The following WDR7 variants were observed in gnomAD, a reference collection of about 807,000 sequenced individuals.
WDR7 encodes WD repeat domain 7.
In WDR7, 46 loss-of-function variants were observed where a neutral mutation model predicts 169.4. The observed-to-expected ratio is 0.27, with a 90% CI of 0.21 to 0.35. The LOEUF is 0.35. WDR7 is among the 10% of genes least tolerant of loss of function. The pLI is 1.00. For missense variants in WDR7, 1,534 were observed against 1,859.3 expected, an observed-to-expected ratio of 0.83 and a Z score of 3.22; for synonymous variants, 612 against 666.8, an observed-to-expected ratio of 0.92 and a Z score of 1.27.
chr18:56,750,649 A>G (rs980759749), intron 14 of WDR7, among the ~76,000 whole-genome samples: 1 of 152,216 alleles, frequency 6.6e-6, no homozygotes, highest in African/African-American at 2.4e-5. Context: ...TCTGGATCCG[A>G]TAGTCCGTAT....
At chr18:56,725,138 G>A (rs1266186159) in intron 13 of WDR7, among the ~76,000 whole-genome samples, 13 of 150,634 alleles carry the variant, frequency 8.6e-5, no homozygotes, top group Non-Finnish European at 1.6e-4. Flanking sequence ...CTTTATAGCC[G>A]CATGATTTAT....
At chr18:56,839,138 A>C (rs867136257) in intron 20 of WDR7, among the ~76,000 whole-genome samples, 1 of 152,126 alleles carries the variant, frequency 6.6e-6, no homozygotes, top group Non-Finnish European at 1.5e-5. Context: ...ATATATTTTT[A>C]TTGATATATA....
chr18:56,980,217 T>C (rs1383794725), intron 26 of WDR7, among the ~76,000 whole-genome samples: 1 of 152,218 alleles, frequency 6.6e-6, no homozygotes, highest in Non-Finnish European at 1.5e-5. Context: ...TTGGGAATTC[T>C]GAGCTATCCT....
At chr18:56,784,959 C>G (rs1458941587) in intron 19 of WDR7, among the ~76,000 whole-genome samples, 1 of 151,264 alleles carries the variant, frequency 6.6e-6, no homozygotes, top group Non-Finnish European at 1.5e-5. Context: ...CTACATGTAA[C>G]TGAAACATGC....
At chr18:56,865,949 CTTA>C (rs1411633203) in intron 20 of WDR7, among the ~76,000 whole-genome samples, 3 of 151,910 alleles carry the variant, frequency 2.0e-5, no homozygotes, top group Non-Finnish European at 4.4e-5. Context: ...ATTTTGCTTG[CTTA>C]TTATTTTTTA....
intron 26 of WDR7, among the ~76,000 whole-genome samples, chr18:56,970,416 C>G (rs1400782684): frequency 2.0e-5 from 3 of 151,890 alleles, no homozygotes; most frequent in African/African-American, 7.3e-5. Flanking sequence ...ATATTCTGTT[C>G]TTCAATATTT....
intron 19 of WDR7, among the ~76,000 whole-genome samples, chr18:56,798,446 G>A (rs759394205): frequency 7.9e-5 from 12 of 152,128 alleles, no homozygotes; most frequent in Non-Finnish European, 1.3e-4. Context: ...GTCACCACTA[G>A]GACAGAGGCC....
At chr18:56,753,560 A>G (rs1193740149) in intron 14 of WDR7, among the ~76,000 whole-genome samples, 3 of 152,122 alleles carry the variant, frequency 2.0e-5, no homozygotes, top group Admixed American at 2.0e-4. Flanking sequence ...ACTGTGGACT[A>G]ACTTCCTTGG....
At chr18:56,690,257 C>T (rs776020623) in intron 7 of WDR7, among the ~76,000 whole-genome samples, 7 of 152,062 alleles carry the variant, frequency 4.6e-5, no homozygotes, top group Non-Finnish European at 7.4e-5. Flanking sequence ...GTAACATCTG[C>T]GGTGATTCTC....
intron 19 of WDR7, among the ~76,000 whole-genome samples, chr18:56,810,788 G>T (rs760565686): frequency 3.3e-5 from 5 of 152,078 alleles, no homozygotes; most frequent in East Asian, 1.9e-4. Flanking sequence ...TTATTGACAC[G>T]TAATTCACTT....
chr18:56,998,058 G>A (rs1358817000), intron 26 of WDR7, among the ~76,000 whole-genome samples: 1 of 152,128 alleles, frequency 6.6e-6, no homozygotes. Flanking sequence ...GCAAAACAAA[G>A]CAAAGGAGTG....
intron 1 of WDR7, among the ~76,000 whole-genome samples, chr18:56,667,708 T>C (rs753462325): frequency 1.3e-5 from 2 of 152,198 alleles, no homozygotes; most frequent in African/African-American, 2.4e-5. Context: ...CAAAGTACCT[T>C]TGTGTGAAAC....
At chr18:56,893,893 T>C (rs990524073) in intron 21 of WDR7, among the ~76,000 whole-genome samples, 2 of 152,022 alleles carry the variant, frequency 1.3e-5, no homozygotes. Flanking sequence ...CCTAAAAAAT[T>C]GACAAAACTT....
At chr18:56,703,682 T>G (rs1246679087) in intron 12 of WDR7, among the ~76,000 whole-genome samples, 3 of 152,234 alleles carry the variant, frequency 2.0e-5, no homozygotes, top group East Asian at 3.9e-4. Flanking sequence ...TAATACATAG[T>G]TATAGAAAAT....
At chr18:56,891,474 A>ATGTT (rs2046263137) in intron 21 of WDR7, among the ~76,000 whole-genome samples, 1 of 152,116 alleles carries the variant, frequency 6.6e-6, no homozygotes, top group Non-Finnish European at 1.5e-5. Context: ...GTACTTATAA[A>ATGTT]TGTTAGTTTC....
At chr18:56,715,643 G>A (rs1456012094) in intron 12 of WDR7, among the ~76,000 whole-genome samples, 1 of 152,080 alleles carries the variant, frequency 6.6e-6, no homozygotes, top group Non-Finnish European at 1.5e-5. Flanking sequence ...AGACTAGCCT[G>A]GGCAACATAG....
intron 27 of WDR7, among the ~76,000 whole-genome samples, chr18:57,025,493 G>A (rs2048354902): frequency 6.6e-6 from 1 of 152,170 alleles, no homozygotes; most frequent in South Asian, 2.1e-4. Context: ...TTCTGAAAGG[G>A]TGACAGTAAG....
rs2046991095 is a variant in WDR7, at chr18:56,938,575, C to A, written c.3874C>A (p.Gln1292Lys). 1 of 1,613,766 alleles carries A rather than the reference C, an allele frequency of 6.2e-7. No homozygotes were observed. Among genetic ancestry groups the A allele is most frequent in the Non-Finnish European group, 8.5e-7 (1 of 1,179,858 alleles). The change falls in exon 24 of 28, where the codon CAG (glutamine) becomes AAG (lysine). Residue 1292 changes from glutamine to lysine, a missense_variant. Transcript: ENST00000254442. ...TALAANTQSQ[Q>K]NMHTTTLARA... ...TCTTGCAGCAAATACCCAATCACAG[C>A]AGAATATGCACACAACAACTCTTGC...
At chr18:56,953,932 A>G (rs1028081594) in intron 25 of WDR7, among the ~76,000 whole-genome samples, 4 of 152,252 alleles carry the variant, frequency 2.6e-5, no homozygotes, top group Non-Finnish European at 5.9e-5. Flanking sequence ...CAAAAATTAC[A>G]GTGTGTATTC....
Sources: allele counts gnomAD v4.1 joint callset (sites outside exome capture counted in the v4.1 genomes callset), GRCh38; gene constraint gnomAD v4.1.1; transcripts MANE v1.5; gene names NCBI Gene and HGNC (gene_info 2026-07-23, HGNC 2026-07-21).